Variants in CABCOCO1 observed in about 807,000 individuals in gnomAD.
The protein encoded by CABCOCO1 is ciliary associated calcium binding coiled-coil 1, also known as ciliary-associated calcium-binding coiled-coil protein 1.
In CABCOCO1, 28 loss-of-function variants were observed where a neutral mutation model predicts 35.7. The observed-to-expected ratio is 0.78, with a 90% CI of 0.58 to 1.07. The LOEUF is 1.07. CABCOCO1 is among the 50% of genes least tolerant of loss of function. CABCOCO1 has a pLI of 0.00. For missense variants in CABCOCO1, 326 were observed against 309.2 expected, an observed-to-expected ratio of 1.05 and a Z score of -0.41; for synonymous variants, 95 against 100.1, an observed-to-expected ratio of 0.95 and a Z score of 0.30.
intron 5 of CABCOCO1, among the ~76,000 whole-genome samples, chr10:61,699,995 A>C (rs1840407777): frequency 6.6e-6 from 1 of 152,152 alleles, no homozygotes; most frequent in South Asian, 2.1e-4. Flanking sequence ...TTTGGAAAAT[A>C]TTATTTTGGT....
intron 5 of CABCOCO1, among the ~76,000 whole-genome samples, chr10:61,757,860 T>C (rs1385955851): frequency 6.6e-6 from 1 of 151,932 alleles, no homozygotes; most frequent in Non-Finnish European, 1.5e-5. Context: ...AAGTGTATAA[T>C]GTGATGGGGA....
At chr10:61,754,099 T>C (rs34349648) in intron 5 of CABCOCO1, among the ~76,000 whole-genome samples, 2,378 of 152,240 alleles carry the variant, frequency 0.016, 39 homozygotes, top group East Asian at 0.047. Context: ...ATACTTTCCC[T>C]TTGAAGAACT....
chr10:61,752,787 C>T (rs1841817160), intron 5 of CABCOCO1, among the ~76,000 whole-genome samples: 1 of 143,086 alleles, frequency 7.0e-6, no homozygotes, highest in African/African-American at 2.9e-5. Context: ...TCTAATTTAG[C>T]ACCAAAGCTT....
intron 5 of CABCOCO1, among the ~76,000 whole-genome samples, chr10:61,743,703 A>G (rs1425725295): frequency 2.6e-5 from 4 of 152,114 alleles, no homozygotes; most frequent in Non-Finnish European, 5.9e-5. Context: ...CTCCGTATGT[A>G]TCTGTTCATT....
At chr10:61,722,554 A>G (rs1210555866) in intron 5 of CABCOCO1, among the ~76,000 whole-genome samples, 1 of 152,158 alleles carries the variant, frequency 6.6e-6, no homozygotes, top group Non-Finnish European at 1.5e-5. Context: ...GTTTATTTAA[A>G]AAATTAACAG....
intron 7 of CABCOCO1, among the ~76,000 whole-genome samples, chr10:61,763,685 T>G (rs556076730): frequency 6.6e-6 from 1 of 152,008 alleles, no homozygotes; most frequent in South Asian, 2.1e-4. Context: ...CTTGGGACCC[T>G]AGATGTTTTT....
chr10:61,734,492 A>G (rs1841371073), intron 5 of CABCOCO1, among the ~76,000 whole-genome samples: 1 of 148,084 alleles, frequency 6.8e-6, no homozygotes, highest in Non-Finnish European at 1.5e-5. Flanking sequence ...CCTAATTAAG[A>G]CTTTATTCAA....
At chr10:61,724,942 C>G (rs1386325222) in intron 5 of CABCOCO1, among the ~76,000 whole-genome samples, 1 of 152,042 alleles carries the variant, frequency 6.6e-6, no homozygotes, top group Non-Finnish European at 1.5e-5. Flanking sequence ...GCACATATAC[C>G]CTAGAACTTA....
chr10:61,726,700 A>ATTAT (rs1306526358), intron 5 of CABCOCO1, among the ~76,000 whole-genome samples: 15 of 152,050 alleles, frequency 9.9e-5, no homozygotes, highest in African/African-American at 3.6e-4. Flanking sequence ...GGAATCATAT[A>ATTAT]TGATGGCCCA....
At chr10:61,675,214 C>T (rs1479341858) in intron 2 of CABCOCO1, among the ~76,000 whole-genome samples, 2 of 152,150 alleles carry the variant, frequency 1.3e-5, no homozygotes, top group East Asian at 1.9e-4. Context: ...AGCCATCTCT[C>T]CCCTCTCCCC....
intron 5 of CABCOCO1, among the ~76,000 whole-genome samples, chr10:61,709,072 G>A (rs984950835): frequency 2.0e-5 from 3 of 152,108 alleles, no homozygotes; most frequent in East Asian, 1.9e-4. Context: ...GAATTTGGAA[G>A]AAGTCCCACT....
chr10:61,738,988 C>G lies in CABCOCO1; in HGVS notation c.553-21071C>G, dbSNP rs868153653. On this transcript the variant is annotated intron_variant, in intron 5 of 7. Transcript: ENST00000648843. ...CTAATTACAAGTGAGTTTTTTTTTTCTTAAGTCATTTAGGTATATCCAGAA... is the reference window on the plus strand; with the variant it reads ...CTAATTACAAGTGAGTTTTTTTTTTGTTAAGTCATTTAGGTATATCCAGAA... Among the ~76,000 whole-genome samples, 8 of 151,132 alleles carry G rather than the reference C, an allele frequency of 5.3e-5. No individual in the cohort carries two copies. In the South Asian group the frequency reaches 8.3e-4, roughly 16 times the overall value.
chr10:61,751,865 G>C (rs1841796158), intron 5 of CABCOCO1, among the ~76,000 whole-genome samples: 1 of 151,968 alleles, frequency 6.6e-6, no homozygotes, highest in East Asian at 1.9e-4. Context: ...CACATTTAAG[G>C]GGAAAAAAAT....
chr10:61,735,484 C>A (rs892621967), intron 5 of CABCOCO1, among the ~76,000 whole-genome samples: 1 of 152,084 alleles, frequency 6.6e-6, no homozygotes, highest in Non-Finnish European at 1.5e-5. Flanking sequence ...AGCTTATTCC[C>A]CCACCAACCC....
At chr10:61,693,306 C>A (rs758104360) in intron 5 of CABCOCO1, among the ~76,000 whole-genome samples, 33 of 152,040 alleles carry the variant, frequency 2.2e-4, no homozygotes, top group Non-Finnish European at 4.0e-4. Flanking sequence ...AATTAACAAC[C>A]TTTCATGGAG....
At chr10:61,700,082 A>G (rs1840409739) in intron 5 of CABCOCO1, among the ~76,000 whole-genome samples, 1 of 152,142 alleles carries the variant, frequency 6.6e-6, no homozygotes, top group South Asian at 2.1e-4. Context: ...AAAAGCTGGT[A>G]ATGGAATAAC....
chr10:61,703,981 G>T (rs1840531770), intron 5 of CABCOCO1, among the ~76,000 whole-genome samples: 1 of 152,036 alleles, frequency 6.6e-6, no homozygotes, highest in Non-Finnish European at 1.5e-5. Flanking sequence ...GGAGGCCAAG[G>T]TGGGCAGATA....
intron 5 of CABCOCO1, among the ~76,000 whole-genome samples, chr10:61,692,599 C>T (rs958691137): frequency 6.6e-6 from 1 of 152,100 alleles, no homozygotes; most frequent in Non-Finnish European, 1.5e-5. Flanking sequence ...ATTCTGACTT[C>T]CTGGGTATTG....
At chr10:61,693,393 C>A (rs1364138130) in intron 5 of CABCOCO1, among the ~76,000 whole-genome samples, 1 of 151,978 alleles carries the variant, frequency 6.6e-6, no homozygotes, top group Non-Finnish European at 1.5e-5. Context: ...GGCCACAAGA[C>A]AAACATGAAT....
Sources: allele counts gnomAD v4.1 joint callset (sites outside exome capture counted in the v4.1 genomes callset), GRCh38; gene constraint gnomAD v4.1.1; transcripts MANE v1.5; gene names NCBI Gene and HGNC (gene_info 2026-07-23, HGNC 2026-07-21).